Variants in CPPED1 observed in about 807,000 individuals in gnomAD.
CPPED1 encodes calcineurin like phosphoesterase domain containing 1, also known as serine/threonine-protein phosphatase CPPED1.
In CPPED1, 28 loss-of-function variants were observed where a neutral mutation model predicts 28.0. The ratio of observed to expected loss-of-function variants is 1.00; its 90% CI spans 0.74 to 1.37. The LOEUF (loss-of-function observed/expected upper bound fraction) is 1.37, where lower values mean the gene tolerates loss of function less well. CPPED1 is among the 40% of genes most tolerant of loss of function. The probability of loss-of-function intolerance (pLI) is 0.00; values close to 1 mark genes in which losing one functional copy is unlikely to be tolerated. For synonymous variants in CPPED1, 198 were observed against 180.2 expected (o/e 1.10, Z -0.79); for missense variants, 504 against 416.5 (o/e 1.21, Z -1.83).
At chr16:12,676,554 T>A (rs1188284262) in intron 3 of CPPED1, among the ~76,000 whole-genome samples, 1 of 152,110 alleles carries the variant, frequency 6.6e-6, no homozygotes, top group Non-Finnish European at 1.5e-5. Context: ...ATAGCTAAGA[T>A]GTATACTTGG....
intron 2 of CPPED1, among the ~76,000 whole-genome samples, chr16:12,766,229 CA>C (rs1316366411): frequency 1.9e-5 from 2 of 105,510 alleles, no homozygotes; most frequent in Admixed American, 9.1e-5. Flanking sequence ...CCCATCTCTA[CA>C]AAAAAAATAC....
intron 2 of CPPED1, among the ~76,000 whole-genome samples, chr16:12,773,504 C>T (rs1218866937): frequency 6.6e-6 from 1 of 152,176 alleles, no homozygotes; most frequent in African/African-American, 2.4e-5. Flanking sequence ...AAGCAGATCA[C>T]TTCCAGCCAG....
At chr16:12,703,310 G>A (rs1361582051) in intron 3 of CPPED1, among the ~76,000 whole-genome samples, 3 of 152,008 alleles carry the variant, frequency 2.0e-5, no homozygotes, top group Non-Finnish European at 2.9e-5. Context: ...GTTCCGCTGG[G>A]TGGGGTGGCT....
At chr16:12,708,430 T>A (rs2080062997) in intron 2 of CPPED1, among the ~76,000 whole-genome samples, 1 of 152,174 alleles carries the variant, frequency 6.6e-6, no homozygotes, top group South Asian at 2.1e-4. Flanking sequence ...GTCTAGAGTC[T>A]GGTACAAACA....
At chr16:12,735,704 C>G (rs144007369) in intron 2 of CPPED1, among the ~76,000 whole-genome samples, 234 of 152,322 alleles carry the variant, frequency 1.5e-3, no homozygotes, top group Non-Finnish European at 7.9e-4. Context: ...CTGCAAAGAG[C>G]TTAGAACAAT....
intron 2 of CPPED1, among the ~76,000 whole-genome samples, chr16:12,726,645 CA>C (rs2080171621): frequency 6.6e-6 from 1 of 151,862 alleles, no homozygotes; most frequent in African/African-American, 2.4e-5. Context: ...ACCAGGCCTA[CA>C]AAAAATTTAA....
intron 3 of CPPED1, among the ~76,000 whole-genome samples, chr16:12,689,477 A>T (rs528712421): frequency 1.1e-4 from 16 of 148,438 alleles, no homozygotes; most frequent in African/African-American, 3.6e-4. Context: ...TGATCCTCCC[A>T]CCTTGGCCTC....
In CPPED1 at chr16:12,682,670, C is replaced by T. The variant is rs2079911780; in HGVS notation, c.716-17555G>A. Among the ~76,000 whole-genome samples, 1 of 152,222 alleles carries T rather than the reference C, an allele frequency of 6.6e-6. No individual in the cohort carries two copies. Among genetic ancestry groups the T allele is most frequent in the Admixed American group, 6.5e-5 (1 of 15,278 alleles). On this transcript the variant is annotated intron_variant, in intron 3 of 3. Coordinates refer to ENST00000381774, the MANE Select transcript of CPPED1 (RefSeq NM_018340.3). The surrounding 1 kb of genome is among the most constrained non-coding windows in gnomAD (Gnocchi z 6.1). ...AGAATCAGGGACACGCCCTGGGTGGCACAGCAGGAAGCTGCGTGTCTTGTA... is the reference window on the plus strand; with the variant it reads ...AGAATCAGGGACACGCCCTGGGTGGTACAGCAGGAAGCTGCGTGTCTTGTA...
intron 3 of CPPED1, among the ~76,000 whole-genome samples, chr16:12,677,433 G>C (rs2079883202): frequency 6.6e-6 from 1 of 152,246 alleles, no homozygotes; most frequent in East Asian, 1.9e-4. Flanking sequence ...GAGGCTAGGA[G>C]TTTGAGACCA....
chr16:12,728,498 G>A (rs984279836), intron 2 of CPPED1, among the ~76,000 whole-genome samples: 1 of 151,508 alleles, frequency 6.6e-6, no homozygotes, highest in East Asian at 1.9e-4. Flanking sequence ...TTACAATTTG[G>A]GTGTGACCAA....
chr16:12,751,432 T>A (rs966140962), intron 2 of CPPED1, among the ~76,000 whole-genome samples: 2 of 152,206 alleles, frequency 1.3e-5, no homozygotes, highest in Admixed American at 6.5e-5. Context: ...ACAATTCTGG[T>A]CTCTAGAGTA....
intron 3 of CPPED1, among the ~76,000 whole-genome samples, chr16:12,698,357 A>C (rs1015313017): frequency 2.6e-5 from 4 of 152,178 alleles, no homozygotes; most frequent in Non-Finnish European, 5.9e-5. Context: ...AGGATGTCAG[A>C]GCAGGATTTG....
At chr16:12,710,721 A>G (rs2080075624) in intron 2 of CPPED1, among the ~76,000 whole-genome samples, 1 of 152,210 alleles carries the variant, frequency 6.6e-6, no homozygotes, top group Non-Finnish European at 1.5e-5. Context: ...AATGGCCAAT[A>G]AGGACATTAA....
At chr16:12,720,602 C>G (rs1484166211) in intron 2 of CPPED1, among the ~76,000 whole-genome samples, 1 of 152,246 alleles carries the variant, frequency 6.6e-6, no homozygotes, top group East Asian at 1.9e-4. Flanking sequence ...ATTCTCCTGA[C>G]TCAGCCTCCT....
chr16:12,792,372 G>A (rs879434581), intron 1 of CPPED1, among the ~76,000 whole-genome samples: 3 of 152,174 alleles, frequency 2.0e-5, no homozygotes, highest in Non-Finnish European at 4.4e-5. Flanking sequence ...TGGGAAGTGG[G>A]TGGTGCTGCT....
chr16:12,722,698 C>T (rs1281324432), intron 2 of CPPED1, among the ~76,000 whole-genome samples: 2 of 152,126 alleles, frequency 1.3e-5, no homozygotes, highest in Admixed American at 1.3e-4. Flanking sequence ...TGGACTCCAA[C>T]CTGGATGACA....
At chr16:12,797,378 G>C (rs1213096857) in intron 1 of CPPED1, among the ~76,000 whole-genome samples, 1 of 152,144 alleles carries the variant, frequency 6.6e-6, no homozygotes, top group Non-Finnish European at 1.5e-5. Context: ...CAGCGAAACT[G>C]TCTCTACAAA....
At chr16:12,722,529 A>G (rs1329937103) in intron 2 of CPPED1, among the ~76,000 whole-genome samples, 1 of 152,188 alleles carries the variant, frequency 6.6e-6, no homozygotes, top group Non-Finnish European at 1.5e-5. Context: ...CTGGAGCCCC[A>G]GAGTTCAGAC....
intron 3 of CPPED1, among the ~76,000 whole-genome samples, chr16:12,685,999 G>C (rs530685869): frequency 6.6e-6 from 1 of 152,340 alleles, no homozygotes; most frequent in East Asian, 1.9e-4. Flanking sequence ...GGTGTGCAGA[G>C]AGATCCTGCT....
Sources: gnomAD v4.1 joint callset for allele counts (sites outside exome capture counted in the v4.1 genomes callset) on GRCh38, gnomAD v4.1.1 for gene constraint, Gnocchi (gnomAD v3.1) non-coding constraint, MANE v1.5 for transcripts, NCBI Gene and HGNC (gene_info 2026-07-23, HGNC 2026-07-21) for gene names.